Variants in CPNE2 observed in about 807,000 individuals in gnomAD.
The protein encoded by CPNE2 is copine 2, also known as copine-2.
In CPNE2, 42 loss-of-function variants were observed where a neutral mutation model predicts 69.7. The ratio of observed to expected loss-of-function variants is 0.60; its 90% CI spans 0.47 to 0.78. The LOEUF (loss-of-function observed/expected upper bound fraction) is 0.78. Ranked by LOEUF, CPNE2 falls within the 30% of genes least tolerant of loss-of-function variation. CPNE2 has a pLI of 0.00. For synonymous variants in CPNE2, 294 were observed against 289.8 expected (o/e 1.01, Z -0.15); for missense variants, 587 against 732.0 (o/e 0.80, Z 2.29).
In CPNE2 at chr16:57,097,596, G is replaced by T. The variant is rs559676070; in HGVS notation, c.-36+4806G>T. On this transcript the variant is annotated intron_variant, in intron 1 of 15. Coordinates refer to ENST00000290776, the MANE Select transcript of CPNE2 (RefSeq NM_152727.6). ...TGTATGAAGAAACTGAGGCTAGAGA[G>T]GTTAGGACACATGGCCCAGGTTGCA... Among the ~76,000 whole-genome samples, 3 of 152,304 alleles carry T rather than the reference G, an allele frequency of 2.0e-5. No individual in the cohort carries two copies. The South Asian group carries it at 6.2e-4, about 32-fold the overall frequency.
At chr16:57,120,898 A>G (rs2069756733) in intron 7 of CPNE2, among the ~76,000 whole-genome samples, 195 bp from the exon 8 acceptor site, 1 of 152,158 alleles carries the variant, frequency 6.6e-6, no homozygotes, top group Non-Finnish European at 1.5e-5. Flanking sequence ...GGGCAGACAC[A>G]CTTTCTCCTT....
chr16:57,133,573 G>A (rs2069854138), intron 12 of CPNE2, among the ~76,000 whole-genome samples: 1 of 152,280 alleles, frequency 6.6e-6, no homozygotes, highest in East Asian at 1.9e-4. Flanking sequence ...CCATCGTCAT[G>A]TCTTGGAGCT....
At position 57,119,523 on chromosome 16, in the gene CPNE2, C is replaced by A. The variant is rs762211710; in HGVS notation, c.592-38C>A. On this transcript the variant is annotated intron_variant, in intron 6 of 15. Transcript: ENST00000290776. Reference sequence around the variant, plus strand: ...GACCCAACCCCAGAGCACTGCTGCCCAGGGCCTGAGCTCACAGCATCCCTC... The same window carrying A: ...GACCCAACCCCAGAGCACTGCTGCCAAGGGCCTGAGCTCACAGCATCCCTC... 6.4e-6 allele frequency: 10 copies of A among 1,563,040 alleles called. No homozygotes were observed. The South Asian group carries it at 1.1e-4, about 18-fold the overall frequency.
chr16:57,128,356 A>G (rs1043870773), intron 12 of CPNE2, among the ~76,000 whole-genome samples: 3 of 152,058 alleles, frequency 2.0e-5, no homozygotes, highest in African/African-American at 7.2e-5. Context: ...CAGCCTCCCG[A>G]GTAGCTGGGA....
At chr16:57,095,564 C>T (rs2069573567) in intron 1 of CPNE2, among the ~76,000 whole-genome samples, 1 of 152,176 alleles carries the variant, frequency 6.6e-6, no homozygotes, top group Non-Finnish European at 1.5e-5. Flanking sequence ...CCTCCACCTC[C>T]CAGGTTCAGG....
chr16:57,138,107 G>A (rs1466294), intron 14 of CPNE2, among the ~76,000 whole-genome samples: 48,794 of 152,082 alleles, frequency 0.32, 8,227 homozygotes, highest in South Asian at 0.47. Context: ...GCGCCGTGAC[G>A]GGGAATCAGG....
intron 8 of CPNE2, 66 bp from the exon 9 acceptor site, chr16:57,121,608 C>A: frequency 1.3e-6 from 2 of 1,490,910 alleles, no homozygotes; most frequent in South Asian, 1.1e-5. Context: ...GATTCTAGGG[C>A]CAAGGAGGAG....
At position 57,119,611 on chromosome 16, in the gene CPNE2, G is replaced by C. The variant is rs748913735; in HGVS notation, c.642G>C (p.Leu214Phe). ...DPVWKPFTVPLVSLCDGDMEK... is the reference protein window; with the variant it reads ...DPVWKPFTVPFVSLCDGDMEK... ...TGTGGAAGCCATTCACAGTGCCCTT[G>C]GTGTCCCTGTGTGATGGGGACATGG... Residue 214 changes from leucine (L) to phenylalanine (F), a missense_variant, in exon 7 of 16, where the codon TTG becomes TTC. Leu to Phe is a conservative substitution (Grantham distance 22). This residue lies in a region of CPNE2 where 269 missense variants were observed against 300.5 expected (regional missense o/e 0.90). Transcript: ENST00000290776. The C allele has an allele frequency of 4.3e-6, 7 of 1,612,902 alleles. No individual in the cohort carries two copies. In the Admixed American group the frequency reaches 5.0e-5, roughly 12 times the overall value.
intron 14 of CPNE2, among the ~76,000 whole-genome samples, chr16:57,140,013 C>G (rs1209776171): frequency 6.6e-6 from 1 of 152,016 alleles, no homozygotes; most frequent in Non-Finnish European, 1.5e-5. Flanking sequence ...GAAGAGTGGC[C>G]GGGGTAGAGG....
chr16:57,098,936 G>C (rs1450613078), intron 1 of CPNE2, among the ~76,000 whole-genome samples: 2 of 152,200 alleles, frequency 1.3e-5, no homozygotes, highest in Admixed American at 1.3e-4. Flanking sequence ...TGGATTATTG[G>C]TTTTGGTGTT....
intron 10 of CPNE2, chr16:57,124,375 C>T (rs1176305240): frequency 4.4e-6 from 2 of 456,290 alleles, no homozygotes; most frequent in Non-Finnish European, 8.8e-6. Context: ...AGTCACTGGG[C>T]CTGGCCCTCA....
At chr16:57,093,612 G>A (rs2069559188) in intron 1 of CPNE2, among the ~76,000 whole-genome samples, 1 of 152,184 alleles carries the variant, frequency 6.6e-6, no homozygotes, top group Non-Finnish European at 1.5e-5. Context: ...CACAGATGCT[G>A]CTGGCTCTGG....
intron 14 of CPNE2, 100 bp downstream of exon 14, chr16:57,137,382 G>GTGTCC: frequency 6.9e-7 from 1 of 1,444,078 alleles, no homozygotes; most frequent in Non-Finnish European, 9.4e-7. Flanking sequence ...AATCCTAGTG[G>GTGTCC]ACACCTCTGG....
intron 14 of CPNE2, among the ~76,000 whole-genome samples, chr16:57,138,551 G>T (rs756243852): frequency 6.6e-6 from 1 of 152,002 alleles, no homozygotes; most frequent in South Asian, 2.1e-4. Flanking sequence ...CTAACCCCCC[G>T]TGTGTTCCTC....
chr16:57,108,343 A>T (rs2069660617), intron 1 of CPNE2, among the ~76,000 whole-genome samples: 1 of 152,244 alleles, frequency 6.6e-6, no homozygotes, highest in Admixed American at 6.5e-5. Flanking sequence ...TGTTCAGGTG[A>T]CATGCTCAAT....
At chr16:57,098,806 TTCCATCTTTAAGC>T (rs1436994505) in intron 1 of CPNE2, among the ~76,000 whole-genome samples, 1 of 152,206 alleles carries the variant, frequency 6.6e-6, no homozygotes, top group African/African-American at 2.4e-5. Flanking sequence ...CAGGGTTTGG[TTCCATCTTTAAGC>T]TCCAGTGAGG....
chr16:57,108,072 G>A (rs2069658973), intron 1 of CPNE2, among the ~76,000 whole-genome samples: 1 of 152,118 alleles, frequency 6.6e-6, no homozygotes, highest in Admixed American at 6.5e-5. Context: ...GTTTCACCAT[G>A]TTGGCCAGGC....
chr16:57,121,004 A>G lies in CPNE2; in HGVS notation c.682-89A>G. 3.2e-6 allele frequency: 3 copies of G among 926,756 alleles called. No individual in the cohort carries two copies. In the South Asian group the frequency reaches 4.8e-5, roughly 15 times the overall value. The allele number at this position is 926,756 out of a possible 1,614,324, so 57.4% of individuals were successfully genotyped here. On this transcript the variant is annotated intron_variant, in intron 7 of 15. Coordinates refer to ENST00000290776, the MANE Select transcript of CPNE2 (RefSeq NM_152727.6). ...TGAGGAGAGGCACTACCCAAACAGA[A>G]GACAGAGGGTTTGCTTGGGGAGTTG...
chr16:57,100,432 A>G (rs2069606168), intron 1 of CPNE2, among the ~76,000 whole-genome samples: 1 of 152,258 alleles, frequency 6.6e-6, no homozygotes, highest in African/African-American at 2.4e-5. Context: ...GCCGAAAGCC[A>G]TGGAGAGGTT....
Sources: allele counts gnomAD v4.1 joint callset (sites outside exome capture counted in the v4.1 genomes callset), GRCh38; gene constraint gnomAD v4.1.1; regional missense constraint gnomAD v4.1.1; transcripts MANE v1.5; gene names NCBI Gene and HGNC (gene_info 2026-07-23, HGNC 2026-07-21).